AK7: variants seen among roughly 807,000 people sequenced by gnomAD.
AK7 encodes the protein ATP-AMP transphosphorylase 7.
A neutral mutation model predicts 96.6 loss-of-function variants in AK7; 78 were observed. The ratio of observed to expected loss-of-function variants is 0.81; its 90% CI spans 0.67 to 0.97. The LOEUF is 0.97. AK7 is among the 50% of genes least tolerant of loss of function. The probability of loss-of-function intolerance (pLI) is 0.00; values close to 1 mark genes in which losing one functional copy is unlikely to be tolerated. For synonymous variants in AK7, 302 were observed against 317.2 expected (o/e 0.95, Z 0.51); for missense variants, 855 against 887.9 (o/e 0.96, Z 0.47).
At chr14:96,477,055 C>T (rs1430770858) in intron 14 of AK7, among the ~76,000 whole-genome samples, 1 of 152,180 alleles carries the variant, frequency 6.6e-6, no homozygotes, top group Non-Finnish European at 1.5e-5. Flanking sequence ...CATATGTCTA[C>T]CTTCCTTTTC....
chr14:96,400,181 A>G (rs1264244246), intron 2 of AK7, among the ~76,000 whole-genome samples: 2 of 151,748 alleles, frequency 1.3e-5, no homozygotes, highest in South Asian at 2.1e-4. Flanking sequence ...TGGGACTACA[A>G]GCGCGTGCCA....
intron 15 of AK7, 40 bp from the exon 16 acceptor site, chr14:96,482,959 G>A (rs1404053850): frequency 6.2e-7 from 1 of 1,600,928 alleles, no homozygotes; most frequent in South Asian, 1.1e-5. Flanking sequence ...GGCAGGCCTA[G>A]AATATAAGTA....
chr14:96,476,614 A>C (rs1316715829), intron 14 of AK7, among the ~76,000 whole-genome samples: 1 of 152,078 alleles, frequency 6.6e-6, no homozygotes, highest in East Asian at 1.9e-4. Context: ...ATTACTCGCT[A>C]TCCACAGTTA....
chr14:96,404,064 G>C (rs1188161102), intron 2 of AK7, among the ~76,000 whole-genome samples: 6 of 150,438 alleles, frequency 4.0e-5, no homozygotes, highest in African/African-American at 1.5e-4. Flanking sequence ...GAACCACTTG[G>C]ACCTGGGAGG....
chr14:96,419,793 T>TC (rs1398516546), intron 4 of AK7, among the ~76,000 whole-genome samples: 1 of 145,894 alleles, frequency 6.9e-6, no homozygotes, highest in Non-Finnish European at 1.5e-5. Context: ...TCTTTTCTTT[T>TC]TTTTTTTTTT....
chr14:96,461,604 A>T (rs1281347170), intron 12 of AK7, among the ~76,000 whole-genome samples: 1 of 151,972 alleles, frequency 6.6e-6, no homozygotes, highest in East Asian at 1.9e-4. Context: ...TTATTTATTT[A>T]TTTTTGAGAA....
chr14:96,451,026 G>T (rs1294026032), intron 9 of AK7, among the ~76,000 whole-genome samples: 2 of 148,748 alleles, frequency 1.3e-5, no homozygotes, highest in African/African-American at 2.6e-5. Flanking sequence ...TGCCCGCCTT[G>T]GTCTCCCAAA....
At chr14:96,435,812 G>A (rs1025766688) in intron 5 of AK7, among the ~76,000 whole-genome samples, 3 of 152,154 alleles carry the variant, frequency 2.0e-5, no homozygotes, top group African/African-American at 7.2e-5. Flanking sequence ...TTTTCTTTCT[G>A]CTCTAACAGG....
chr14:96,448,158 T>G (rs564548110), intron 8 of AK7, among the ~76,000 whole-genome samples: 2 of 151,692 alleles, frequency 1.3e-5, no homozygotes, highest in East Asian at 3.9e-4. Context: ...GAAATTCAGT[T>G]TATCTATCTT....
Position 96,456,856 on chromosome 14 carries a change from A to G in AK7, c.1227+381A>G, listed in dbSNP as rs547801898. 3.0e-5 allele frequency: 6 copies of G among 199,380 alleles called. 1 individual carries two copies. Among genetic ancestry groups the G allele is most frequent in the African/African-American group, 1.2e-4 (5 of 42,982 alleles). 12.4% of individuals were successfully genotyped at this position (199,380 alleles called of 1,614,324 possible). On this transcript the variant is annotated intron_variant, in intron 11 of 17. Coordinates refer to ENST00000267584, the MANE Select transcript of AK7 (RefSeq NM_152327.5). ...GGTCATGCTGGTTTCTCCTGAGGAC[A>G]CTCTTGGGAGGATGTCTGGGCTGCC...
intron 4 of AK7, among the ~76,000 whole-genome samples, chr14:96,419,787 T>TC (rs1202972273): frequency 1.8e-4 from 25 of 141,980 alleles, no homozygotes; most frequent in African/African-American, 2.9e-4. Context: ...TTTCTTTCTT[T>TC]TCTTTTTTTT....
chr14:96,488,149 G>A, intron 17 of AK7, 156 bp from the exon 18 acceptor site: 1 of 563,960 alleles, frequency 1.8e-6, no homozygotes. Flanking sequence ...CTGACCTCAA[G>A]TGATCCACCC....
chr14:96,398,200 G>A lies in AK7; in HGVS notation c.231G>A (p.Gln77=), dbSNP rs1364468317. The stretch of plus-strand genomic sequence containing the variant: ...CCAAAGTGAAGGAAGGCACATTCCA[G>A]ATTGTGGGCACGCTGTCCAAGCCTG... ...SSTKVKEGTF[Q]IVGTLSKPDS... is the part of the protein sequence containing the mutation. Residue 77 remains glutamine (Q), a synonymous_variant, in exon 2 of 18, where the codon CAG becomes CAA. Transcript: ENST00000267584. 8 of 1,613,966 alleles carry A rather than the reference G, an allele frequency of 5.0e-6. No homozygotes were observed. The highest frequency in any genetic ancestry group is 2.7e-5 in the African/African-American group (2 of 74,946).
chr14:96,431,473 T>C (rs551257277), intron 5 of AK7, among the ~76,000 whole-genome samples: 1 of 152,360 alleles, frequency 6.6e-6, no homozygotes, highest in African/African-American at 2.4e-5. Flanking sequence ...TTGTTCTCAT[T>C]GATTTCAAAG....
intron 15 of AK7, 39 bp downstream of exon 15, chr14:96,478,701 C>A (rs1436481130): frequency 1.9e-6 from 3 of 1,596,462 alleles, no homozygotes; most frequent in Admixed American, 1.7e-5. Context: ...ATGTCCAGGA[C>A]CCCCAGCAAA....
At chr14:96,466,235 AT>A (rs1355395642) in intron 12 of AK7, among the ~76,000 whole-genome samples, 1 of 149,404 alleles carries the variant, frequency 6.7e-6, no homozygotes, top group Non-Finnish European at 1.5e-5. Flanking sequence ...TTTATTACTT[AT>A]TTATTTATTT....
chr14:96,423,252 T>C (rs1285139504), intron 5 of AK7, among the ~76,000 whole-genome samples: 8 of 152,238 alleles, frequency 5.3e-5, no homozygotes, highest in Admixed American at 5.2e-4. Context: ...TGTCTAGCGA[T>C]GGTGCCATAA....
intron 4 of AK7, among the ~76,000 whole-genome samples, chr14:96,412,933 T>C (rs1285035680): frequency 6.6e-6 from 1 of 152,140 alleles, no homozygotes; most frequent in Non-Finnish European, 1.5e-5. Context: ...ACATAATAGG[T>C]TGGAAAAAAA....
chr14:96,407,248 C>T (rs1023723446), intron 3 of AK7, among the ~76,000 whole-genome samples: 5 of 152,006 alleles, frequency 3.3e-5, no homozygotes, highest in African/African-American at 1.2e-4. Context: ...ATAGGCCAAA[C>T]TAAAGCTCGG....
Sources: gnomAD v4.1 joint callset for allele counts (sites outside exome capture counted in the v4.1 genomes callset) on GRCh38, gnomAD v4.1.1 for gene constraint, MANE v1.5 for transcripts, NCBI Gene and HGNC (gene_info 2026-07-23, HGNC 2026-07-21) for gene names.